The following IFT46 variants were observed in gnomAD, a reference collection of about 807,000 sequenced individuals.
The protein encoded by IFT46 is intraflagellar transport protein 46 homolog.
In IFT46, 19 loss-of-function variants were observed where a neutral mutation model predicts 39.6. The observed-to-expected ratio is 0.48, with a 90% confidence interval of 0.33 to 0.70. The LOEUF (loss-of-function observed/expected upper bound fraction) is 0.70, where lower values mean the gene tolerates loss of function less well. IFT46 is among the 30% of genes least tolerant of loss of function. The pLI is 0.01. For synonymous variants in IFT46, 117 were observed against 134.8 expected (o/e 0.87, Z 0.91); for missense variants, 334 against 364.8 (o/e 0.92, Z 0.69).
intron 9 of IFT46, among the ~76,000 whole-genome samples, chr11:118,550,560 G>A (rs1433081847): frequency 2.6e-5 from 4 of 151,900 alleles, no homozygotes; most frequent in African/African-American, 7.2e-5. Flanking sequence ...CAATCTTCAC[G>A]CCTCAGCCTC....
chr11:118,555,290 G>A lies in IFT46; in HGVS notation c.218C>T (p.Pro73Leu). 1 of 1,614,120 alleles carries A rather than the reference G, an allele frequency of 6.2e-7. No homozygotes were observed. Among genetic ancestry groups the A allele is most frequent in the Middle Eastern group, 1.7e-4 (1 of 6,060 alleles). The change falls in exon 5 of 12, where the codon CCA (proline) becomes CTA (leucine). Residue 73 changes from proline to leucine, a missense_variant. Transcript: ENST00000264021. ...GAGTTCCTTAATTTCAGCAGAAACT[G>A]GCAAATGCTCATAGTCTGCAGGGTC... ...AYDPADYEHL[P>L]VSAEIKELFQ...
At chr11:118,552,444 G>A in intron 7 of IFT46, 109 bp from the exon 8 acceptor site, 1 of 1,325,568 alleles carries the variant, frequency 7.5e-7, no homozygotes, top group Non-Finnish European at 1.0e-6. Flanking sequence ...GCTGATGACA[G>A]CTGCTGCCAC....
At chr11:118,558,964 G>A (rs1467897030) in intron 3 of IFT46, among the ~76,000 whole-genome samples, 1 of 147,076 alleles carries the variant, frequency 6.8e-6, no homozygotes, top group Non-Finnish European at 1.5e-5. Context: ...GCTTGTGCCT[G>A]TAATCCCAGC....
chr11:118,559,953 C>T (rs1937980302), intron 2 of IFT46, 89 bp from the exon 3 acceptor site: 1 of 740,974 alleles, frequency 1.3e-6, no homozygotes, highest in African/African-American at 1.8e-5. Context: ...ATGCTCTAAC[C>T]ATTTTATAAA....
At chr11:118,569,273 C>G (rs1311515005), upstream of IFT46, among the ~76,000 whole-genome samples, 2 of 151,380 alleles carry the variant, frequency 1.3e-5, no homozygotes, top group Non-Finnish European at 2.9e-5. Flanking sequence ...AAGCGAAACT[C>G]CTTCTCAAAA....
upstream of IFT46, among the ~76,000 whole-genome samples, chr11:118,567,942 C>A (rs1555071796): frequency 6.6e-6 from 1 of 152,150 alleles, no homozygotes; most frequent in African/African-American, 2.4e-5. Flanking sequence ...TCATAATAAG[C>A]GCTGAAAATA....
At chr11:118,573,404 C>G (rs1260152669), upstream of IFT46, among the ~76,000 whole-genome samples, 2 of 152,070 alleles carry the variant, frequency 1.3e-5, no homozygotes, top group Non-Finnish European at 1.5e-5. Flanking sequence ...TCATCTGTTA[C>G]AAGGATGAGA....
intron 2 of IFT46, among the ~76,000 whole-genome samples, chr11:118,563,627 G>A (rs782282868): frequency 2.0e-5 from 3 of 152,012 alleles, no homozygotes; most frequent in Admixed American, 6.6e-5. Flanking sequence ...CATCACAACA[G>A]TCCATTCCAC....
intron 9 of IFT46, chr11:118,546,284 GC>G (rs1253736905): frequency 1.1e-5 from 7 of 647,800 alleles, no homozygotes; most frequent in Non-Finnish European, 2.0e-5. Context: ...GATCGCCTGA[GC>G]CTAGGAGTTC....
At position 118,563,192 on chromosome 11, in the gene IFT46, G is replaced by GGA. The variant is rs1555070859; in HGVS notation, c.-36+1772_-36+1773insTC. On this transcript the variant is annotated intron_variant, in intron 2 of 11. Transcript: ENST00000264021. ...AAGTGAAGTAAGTCAGCCACAAAAG[G>GGA]ATAAATACAGTATGATTTCACTTAT... Among the ~76,000 whole-genome samples the GGA allele has an allele frequency of 7.0e-3, 1,063 of 152,218 alleles. 13 individuals carry two copies. The highest frequency in any genetic ancestry group is 0.024 in the African/African-American group (990 of 41,498).
At chr11:118,546,276 T>C (rs1951683953) in intron 9 of IFT46, 2 of 667,950 alleles carry the variant, frequency 3.0e-6, no homozygotes, top group Non-Finnish European at 2.7e-6. Context: ...GGTGGGCAGA[T>C]CGCCTGAGCC....
Position 118,557,032 on chromosome 11 carries a change from GTCT to G in IFT46, c.56_58del (p.Lys19del), listed in dbSNP as rs144091431. ...GCCCCGTTGAGGTGTCAACTGTGAG[GTCT>G]TCTTCTTCTCCTGTGATAGGGCAGG... On this transcript the variant is annotated inframe_deletion, in exon 4 of 12. Transcript: ENST00000264021. The G allele has an allele frequency of 2.3e-3, 3,687 of 1,603,072 alleles. 59 individuals carry two copies. The African/African-American group carries it at 0.04, about 17-fold the overall frequency.
chr11:118,557,210 C>A, intron 3 of IFT46, 165 bp from the exon 4 acceptor site: 1 of 535,806 alleles, frequency 1.9e-6, no homozygotes, highest in Admixed American at 3.6e-5. Flanking sequence ...TCTTCTGCCC[C>A]TGCTCAGCTA....
upstream of IFT46, among the ~76,000 whole-genome samples, chr11:118,567,903 G>A (rs2135518723): frequency 6.6e-6 from 1 of 152,294 alleles, no homozygotes; most frequent in East Asian, 1.9e-4. Context: ...TTGAGGCTTA[G>A]ACAGTTAAAG....
At chr11:118,549,737 A>C (rs1361721658) in intron 9 of IFT46, among the ~76,000 whole-genome samples, 2 of 150,948 alleles carry the variant, frequency 1.3e-5, no homozygotes, top group Non-Finnish European at 3.0e-5. Context: ...GTTGGCTAGG[A>C]TGGTCTCGAT....
In IFT46 at chr11:118,545,846, A is replaced by C; in HGVS notation, c.680T>G (p.Leu227Arg). The C allele has an allele frequency of 6.2e-7, 1 of 1,614,186 alleles. No individual in the cohort carries two copies. The highest frequency in any genetic ancestry group is 8.5e-7 in the Non-Finnish European group (1 of 1,180,018). ...GCTGCAATCAATCTCTGCCGTGGGC[A>C]GGCTTACCTGGAAGGGGCATGGAAG... ...EFEELLGKVSLPTAEIDCSLA... is the reference protein window; with the variant it reads ...EFEELLGKVSRPTAEIDCSLA... Residue 227 changes from leucine (L) to arginine (R), a missense_variant, in exon 10 of 12, where the codon CTG (leucine) becomes CGG (arginine). Leu to Arg is a moderately radical substitution (Grantham distance 102). Transcript: ENST00000264021.
At chr11:118,568,711 G>A (rs1378419399), upstream of IFT46, among the ~76,000 whole-genome samples, 2 of 151,106 alleles carry the variant, frequency 1.3e-5, no homozygotes, top group African/African-American at 2.4e-5. Flanking sequence ...CTGTCGCCCA[G>A]GCTGGAATAC....
At chr11:118,560,775 G>A (rs1565350516) in intron 2 of IFT46, 2 of 714,670 alleles carry the variant, frequency 2.8e-6, no homozygotes, top group South Asian at 1.5e-5. Context: ...GGTAAAACTG[G>A]TTACTATCCT....
chr11:118,546,278 G>A lies in IFT46; in HGVS notation c.673-425C>T, dbSNP rs1418662837. 1.5e-5 allele frequency: 10 copies of A among 662,462 alleles called. No individual in the cohort carries two copies. The Admixed American group carries it at 2.0e-4, about 13-fold the overall frequency. The allele number at this position is 662,462 out of a possible 1,614,324, so 41.0% of individuals were successfully genotyped here. ...TGTGGGAGGTTGAGGTGGGCAGATC[G>A]CCTGAGCCTAGGAGTTCGAGACCAG... On this transcript the variant is annotated intron_variant, in intron 9 of 11. Coordinates refer to ENST00000264021, the MANE Select transcript of IFT46 (RefSeq NM_001168618.2).
Sources: gnomAD v4.1 joint callset for allele counts (sites outside exome capture counted in the v4.1 genomes callset) on GRCh38, gnomAD v4.1.1 for gene constraint, MANE v1.5 for transcripts, NCBI Gene and HGNC (gene_info 2026-07-23, HGNC 2026-07-21) for gene names.